Variants in CTCF observed in about 807,000 individuals in gnomAD.
CTCF encodes CCCTC-binding factor.
CTCF carries 7 observed loss-of-function variants against 72.3 expected under a neutral mutation model. The ratio of observed to expected loss-of-function variants is 0.10; its 90% CI spans 0.06 to 0.18. CTCF has a LOEUF of 0.18. Ranked by LOEUF, CTCF falls within the 10% of genes least tolerant of loss-of-function variation. CTCF has a pLI of 1.00. For missense variants in CTCF, 516 were observed against 949.1 expected (o/e 0.54, Z 6.00); for synonymous variants, 374 against 315.8 (o/e 1.18, Z -1.95).
At chr16:67,565,040 C>T (rs2051324177) in intron 1 of CTCF, among the ~76,000 whole-genome samples, 1 of 151,704 alleles carries the variant, frequency 6.6e-6, no homozygotes, top group South Asian at 2.1e-4. Flanking sequence ...TCGTTCTGTC[C>T]CCTAGGCTGG....
At chr16:67,596,406 G>C (rs1163430765) in intron 2 of CTCF, among the ~76,000 whole-genome samples, 2 of 151,798 alleles carry the variant, frequency 1.3e-5, no homozygotes, top group Non-Finnish European at 2.9e-5. Flanking sequence ...TGTGTCCTTT[G>C]CCCAGCTTTT....
At chr16:67,622,641 CTTT>C (rs555584618) in intron 7 of CTCF, among the ~76,000 whole-genome samples, 1 of 130,916 alleles carries the variant, frequency 7.6e-6, no homozygotes. Flanking sequence ...CCTACTCTTA[CTTT>C]TTTTTTTTTT....
Position 67,637,707 on chromosome 16 carries a change from T to A in CTCF, c.2019T>A (p.Val673=), listed in dbSNP as rs1426806346. The change falls in exon 12 of 12, where the codon GTT becomes GTA. Residue 673 remains valine (V), a synonymous_variant. Coordinates refer to ENST00000264010, the MANE Select transcript of CTCF (RefSeq NM_006565.4). ...TGCCAGCAACAGCTATCATTCAGGT[T>A]GAAGACCAGAATACAGGTGCAATTG... ...KQNQPTAIIQ[V]EDQNTGAIEN... The A allele has an allele frequency of 6.2e-7, 1 of 1,613,180 alleles. No homozygotes were observed. Among genetic ancestry groups the A allele is most frequent in the East Asian group, 2.2e-5 (1 of 44,868 alleles).
intron 2 of CTCF, among the ~76,000 whole-genome samples, chr16:67,580,825 A>T (rs536839815): frequency 6.9e-6 from 1 of 145,652 alleles, no homozygotes; most frequent in South Asian, 2.1e-4. Flanking sequence ...CATGTTGGCC[A>T]GGCTGGTCTA....
In CTCF at chr16:67,596,862, C is replaced by T. The variant is rs550622677; in HGVS notation, c.-9-13962C>T. Among the ~76,000 whole-genome samples, 31 of 152,288 alleles carry T rather than the reference C, an allele frequency of 2.0e-4. No individual in the cohort carries two copies. The East Asian group carries it at 5.4e-3, about 27-fold the overall frequency. On this transcript the variant is annotated intron_variant, in intron 2 of 11. Transcript: ENST00000264010. ...TTGGCCTCCCAAAGTGCTGGGATTA[C>T]AGGTGTGAGCCACTGTGCCCAGCCT... is the stretch of plus-strand genomic sequence containing the variant.
At chr16:67,629,978 G>A (rs560940317) in intron 10 of CTCF, among the ~76,000 whole-genome samples, 33 of 151,036 alleles carry the variant, frequency 2.2e-4, no homozygotes, top group African/African-American at 7.3e-4. Flanking sequence ...GGGTTTCACC[G>A]TGTTAGCCAG....
At chr16:67,565,166 T>C (rs1488205331) in intron 1 of CTCF, among the ~76,000 whole-genome samples, 2 of 151,910 alleles carry the variant, frequency 1.3e-5, no homozygotes, top group Non-Finnish European at 2.9e-5. Context: ...CACGCCCGGC[T>C]AATTTTTGTA....
intron 2 of CTCF, among the ~76,000 whole-genome samples, chr16:67,599,022 A>T (rs2051851809): frequency 6.6e-6 from 1 of 152,216 alleles, no homozygotes; most frequent in African/African-American, 2.4e-5. Context: ...TAAATCGTGC[A>T]TTGGGGTTGA....
At chr16:67,634,991 CTGCGCTGGG>C (rs1371678164) in intron 10 of CTCF, among the ~76,000 whole-genome samples, 5 of 150,506 alleles carry the variant, frequency 3.3e-5, no homozygotes, top group African/African-American at 1.2e-4. Flanking sequence ...GCATGAGTCA[CTGCGCTGGG>C]TAAATTTTGT....
chr16:67,628,560 T>C lies in CTCF; in HGVS notation c.1701+8T>C. ...AAAACATTTACACGTCGGGTAAGGG[T>C]CAGAACTTCACTTTGCCTGTTATGA... On this transcript the variant is annotated splice_region_variant and intron_variant, in intron 9 of 11. Transcript: ENST00000264010. 2.5e-6 allele frequency: 4 copies of C among 1,612,542 alleles called. No homozygotes were observed. The highest frequency in any genetic ancestry group is 3.4e-6 in the Non-Finnish European group (4 of 1,178,684).
intron 2 of CTCF, among the ~76,000 whole-genome samples, chr16:67,605,429 C>T (rs1286237732): frequency 6.6e-6 from 1 of 152,104 alleles, no homozygotes; most frequent in Non-Finnish European, 1.5e-5. Flanking sequence ...AGTAAGAAGC[C>T]TTTGCATTGG....
chr16:67,566,983 C>G (rs547607678), intron 1 of CTCF, among the ~76,000 whole-genome samples: 1 of 152,206 alleles, frequency 6.6e-6, no homozygotes, highest in Non-Finnish European at 1.5e-5. Flanking sequence ...TCAAATGATC[C>G]TGCCACCTCA....
intron 10 of CTCF, among the ~76,000 whole-genome samples, chr16:67,629,951 AT>A (rs1248774175): frequency 4.8e-4 from 71 of 147,450 alleles, no homozygotes; most frequent in Non-Finnish European, 2.1e-4. Flanking sequence ...ATTTTTTTGT[AT>A]TTTTTAGTAG....
At chr16:67,592,514 T>A (rs2051758847) in intron 2 of CTCF, among the ~76,000 whole-genome samples, 2 of 152,130 alleles carry the variant, frequency 1.3e-5, no homozygotes, top group Non-Finnish European at 2.9e-5. Flanking sequence ...GAGACCATCC[T>A]GACCAGTATG....
intron 2 of CTCF, among the ~76,000 whole-genome samples, chr16:67,575,209 A>G (rs552653057): frequency 1.3e-5 from 2 of 152,288 alleles, no homozygotes; most frequent in African/African-American, 4.8e-5. Flanking sequence ...TGGTCCCACC[A>G]CTGCATTTCA....
chr16:67,585,385 A>G (rs758632386), intron 2 of CTCF, among the ~76,000 whole-genome samples: 6 of 152,234 alleles, frequency 3.9e-5, no homozygotes, highest in Non-Finnish European at 7.3e-5. Flanking sequence ...TCAGACAACA[A>G]GAGCAGTAAT....
At chr16:67,635,892 C>G (rs906211902) in intron 10 of CTCF, among the ~76,000 whole-genome samples, 1 of 152,072 alleles carries the variant, frequency 6.6e-6, no homozygotes, top group African/African-American at 2.4e-5. Context: ...TCCCAACGTG[C>G]TGGGATTACA....
chr16:67,620,688 G>C lies in CTCF; in HGVS notation c.1087-9G>C, dbSNP rs374109562. On this transcript the variant is annotated splice_polypyrimidine_tract_variant and intron_variant, in intron 5 of 11. Coordinates refer to ENST00000264010, the MANE Select transcript of CTCF (RefSeq NM_006565.4). ...CAGAAGTTAAAGTTCGGTTGTTTTCGTATTTCAGGTCAGCAAATTAAAACG... is the reference window on the plus strand; with the variant it reads ...CAGAAGTTAAAGTTCGGTTGTTTTCCTATTTCAGGTCAGCAAATTAAAACG... 2.6e-6 allele frequency: 4 copies of C among 1,546,372 alleles called. No individual in the cohort carries two copies. The highest frequency in any genetic ancestry group is 1.8e-6 in the Non-Finnish European group (2 of 1,131,570).
intron 2 of CTCF, among the ~76,000 whole-genome samples, chr16:67,579,612 G>A (rs779738657): frequency 6.6e-6 from 1 of 152,066 alleles, no homozygotes; most frequent in Non-Finnish European, 1.5e-5. Flanking sequence ...ACCTGCCTCG[G>A]CCTCCCAATT....
Sources: allele counts gnomAD v4.1 joint callset (sites outside exome capture counted in the v4.1 genomes callset), GRCh38; gene constraint gnomAD v4.1.1; transcripts MANE v1.5; gene names NCBI Gene and HGNC (gene_info 2026-07-23, HGNC 2026-07-21).